Variants in CLIP4 observed in about 807,000 individuals in gnomAD.
CLIP4 encodes CAP-Gly domain-containing linker protein 4.
A neutral mutation model predicts 73.1 loss-of-function variants in CLIP4; 47 were observed. The ratio of observed to expected loss-of-function variants is 0.64; its 90% confidence interval spans 0.51 to 0.82. The LOEUF is 0.82. Ranked by LOEUF, CLIP4 falls within the 40% of genes least tolerant of loss-of-function variation. CLIP4 has a pLI of 0.00. For missense variants in CLIP4, 874 were observed against 852.9 expected (o/e 1.02, Z -0.31); for synonymous variants, 306 against 295.4 (o/e 1.04, Z -0.37).
chr2:29,121,658 A>G, intron 2 of CLIP4, 137 bp downstream of exon 2: 2 of 953,250 alleles, frequency 2.1e-6, no homozygotes, highest in South Asian at 1.6e-5. Flanking sequence ...TTTTTCAAAA[A>G]TACAATTGCT....
At chr2:29,106,187 GA>G (rs888645731) in intron 1 of CLIP4, among the ~76,000 whole-genome samples, 2 of 151,798 alleles carry the variant, frequency 1.3e-5, no homozygotes, top group Non-Finnish European at 2.9e-5. Context: ...TCTCCAACTG[GA>G]AAAAAATTAA....
chr2:29,172,181 T>C (rs1329837138), intron 14 of CLIP4, among the ~76,000 whole-genome samples: 1 of 152,160 alleles, frequency 6.6e-6, no homozygotes, highest in Non-Finnish European at 1.5e-5. Flanking sequence ...AACTGAGTTG[T>C]CCAGTCTGTA....
chr2:29,162,757 A>G (rs561195504), intron 12 of CLIP4, among the ~76,000 whole-genome samples: 1 of 152,328 alleles, frequency 6.6e-6, no homozygotes, highest in Admixed American at 6.5e-5. Context: ...GCTTAACAAT[A>G]GTTTTGTAAC....
intron 1 of CLIP4, among the ~76,000 whole-genome samples, chr2:29,100,084 T>A (rs6748760): frequency 0.17 from 25,644 of 152,102 alleles, 2,332 homozygotes; most frequent in Middle Eastern, 0.27. Context: ...ACAAGTTATG[T>A]TACTGGCTAA....
Position 29,117,174 on chromosome 2 carries a change from T to A in CLIP4, c.-16+1509T>A, listed in dbSNP as rs547257142. Among the ~76,000 whole-genome samples, 3 of 152,332 alleles carry A rather than the reference T, an allele frequency of 2.0e-5. No homozygotes were observed. In the East Asian group the frequency reaches 5.8e-4, roughly 29 times the overall value. On this transcript the variant is annotated intron_variant, in intron 1 of 15. Transcript: ENST00000320081. ...GAGCTGCACTGTTTTCCTTCAGTGC[T>A]GTTTAGAAGAGCTTTCGGAGACCAG...
chr2:29,170,247 A>G (rs1338519030), intron 14 of CLIP4, among the ~76,000 whole-genome samples: 2 of 152,048 alleles, frequency 1.3e-5, no homozygotes, highest in African/African-American at 4.8e-5. Context: ...CAATGTACTG[A>G]TTTCCTTTCT....
Position 29,181,413 on chromosome 2 carries a change from C to T in CLIP4, c.1797-159C>T, listed in dbSNP as rs553811970. Among the ~76,000 whole-genome samples the T allele has an allele frequency of 7.9e-5, 12 of 152,290 alleles. No individual in the cohort carries two copies. In the South Asian group the frequency reaches 2.3e-3, roughly 29 times the overall value. On this transcript the variant is annotated intron_variant, in intron 15 of 15. Transcript: ENST00000320081. ...CATGGGTCAACTGTATACTCTAAAA[C>T]TGCTATTTAAAATTTAAAAATCAAG...
chr2:29,165,206 T>A (rs1028228540), intron 13 of CLIP4, among the ~76,000 whole-genome samples: 3 of 152,206 alleles, frequency 2.0e-5, no homozygotes, highest in Non-Finnish European at 2.9e-5. Context: ...TGTGTTACTT[T>A]GTAATTGTTT....
rs1481514994 is a variant in CLIP4 at position 29,116,016 on chromosome 2, C to T, written c.-16+351C>T. Among the ~76,000 whole-genome samples, 3 of 152,318 alleles carry T rather than the reference C, an allele frequency of 2.0e-5. No individual in the cohort carries two copies. The East Asian group carries it at 5.8e-4, about 29-fold the overall frequency. On this transcript the variant is annotated intron_variant, in intron 1 of 15. Transcript: ENST00000320081. ...GCCAGCCGCGGCTGCCCCGAGAGTCCCCGCACGCGCAGTGGCTTTCCAACG... is the reference window on the plus strand; with the variant it reads ...GCCAGCCGCGGCTGCCCCGAGAGTCTCCGCACGCGCAGTGGCTTTCCAACG...
chr2:29,170,916 T>C (rs1283715352), intron 14 of CLIP4, among the ~76,000 whole-genome samples: 3 of 152,178 alleles, frequency 2.0e-5, no homozygotes, highest in African/African-American at 7.2e-5. Flanking sequence ...TAATTTATAT[T>C]GGGCTATTTC....
chr2:29,120,462 T>C (rs1399040121), intron 1 of CLIP4, among the ~76,000 whole-genome samples: 1 of 152,174 alleles, frequency 6.6e-6, no homozygotes, highest in Non-Finnish European at 1.5e-5. Flanking sequence ...TGGTGTTGTC[T>C]ACTACCAGAT....
intron 8 of CLIP4, among the ~76,000 whole-genome samples, chr2:29,149,458 A>G (rs1236704101): frequency 8.2e-6 from 1 of 121,584 alleles, no homozygotes; most frequent in Non-Finnish European, 1.7e-5. Flanking sequence ...TTCCTTACCG[A>G]TATTTTAGTG....
At chr2:29,109,602 A>C (rs1668330526) in intron 1 of CLIP4, among the ~76,000 whole-genome samples, 1 of 152,198 alleles carries the variant, frequency 6.6e-6, no homozygotes, top group Non-Finnish European at 1.5e-5. Context: ...GCACTAGAAC[A>C]TATGCCTCCA....
chr2:29,164,949 G>GA (rs1667510833), intron 13 of CLIP4, among the ~76,000 whole-genome samples: 1 of 152,098 alleles, frequency 6.6e-6, no homozygotes, highest in Admixed American at 6.6e-5. Flanking sequence ...TGTTTCATTT[G>GA]ATCCTAATAT....
At chr2:29,180,022 A>G (rs957913793) in intron 15 of CLIP4, among the ~76,000 whole-genome samples, 4 of 152,190 alleles carry the variant, frequency 2.6e-5, no homozygotes, top group Non-Finnish European at 5.9e-5. Flanking sequence ...ATTGTGTGTG[A>G]CAGTGTATTA....
At chr2:29,139,301 G>A (rs536418441) in intron 6 of CLIP4, among the ~76,000 whole-genome samples, 14 of 152,048 alleles carry the variant, frequency 9.2e-5, no homozygotes, top group African/African-American at 2.6e-4. Context: ...GGTGAATCAC[G>A]TTTATTGACT....
chr2:29,151,601 A>G (rs1666572602), intron 8 of CLIP4, among the ~76,000 whole-genome samples: 1 of 152,194 alleles, frequency 6.6e-6, no homozygotes, highest in Non-Finnish European at 1.5e-5. Flanking sequence ...GATTAGCAGG[A>G]AAGTAGTGTA....
chr2:29,144,834 A>G (rs376813448), intron 7 of CLIP4, among the ~76,000 whole-genome samples: 4 of 115,672 alleles, frequency 3.5e-5, no homozygotes, highest in South Asian at 5.2e-4. Flanking sequence ...GAAGAGTCTC[A>G]CTTTGATGCC....
intron 2 of CLIP4, chr2:29,130,889 TGA>T (rs754679867): frequency 7.7e-7 from 1 of 1,290,388 alleles, no homozygotes; most frequent in South Asian, 1.2e-5. Flanking sequence ...AGCTCAGTGG[TGA>T]GTTACCTCAG....
Sources: allele counts gnomAD v4.1 joint callset (sites outside exome capture counted in the v4.1 genomes callset), GRCh38; gene constraint gnomAD v4.1.1; transcripts MANE v1.5; gene names NCBI Gene and HGNC (gene_info 2026-07-23, HGNC 2026-07-21).